Variants in SLC30A9 observed in about 807,000 individuals in gnomAD.
SLC30A9 encodes the protein solute carrier family 30 member 9.
In SLC30A9, 58 loss-of-function variants were observed where a neutral mutation model predicts 87.5. That is an observed-to-expected ratio of 0.66 (90% confidence interval 0.54 to 0.82). The LOEUF is 0.82. SLC30A9 is among the 40% of genes least tolerant of loss of function. SLC30A9 has a pLI of 0.00. For synonymous variants in SLC30A9, 234 were observed against 233.0 expected (o/e 1.00, Z -0.04); for missense variants, 557 against 679.1 (o/e 0.82, Z 2.00).
At chr4:42,047,276 T>A (rs1289254112) in intron 8 of SLC30A9, among the ~76,000 whole-genome samples, 1 of 152,084 alleles carries the variant, frequency 6.6e-6, no homozygotes, top group Non-Finnish European at 1.5e-5. Flanking sequence ...AATAAACTAT[T>A]ATCCGAGTGA....
At chr4:42,021,021 G>A (rs1199086188) in intron 4 of SLC30A9, among the ~76,000 whole-genome samples, 1 of 152,066 alleles carries the variant, frequency 6.6e-6, no homozygotes, top group Non-Finnish European at 1.5e-5. Context: ...TTGAAATTAT[G>A]TTAGTCACAG....
chr4:42,074,122 T>C (rs928262516), intron 15 of SLC30A9, among the ~76,000 whole-genome samples: 3 of 152,174 alleles, frequency 2.0e-5, no homozygotes, highest in Non-Finnish European at 4.4e-5. Flanking sequence ...ATAAATGATA[T>C]AGCCTTTTGC....
rs1314821724 is a variant in SLC30A9, at chr4:42,087,822, C to T, written c.*1696C>T. The T allele has an allele frequency of 1.3e-5, 2 of 151,632 alleles. No individual in the cohort carries two copies. The highest frequency in any genetic ancestry group is 2.4e-5 in the African/African-American group (1 of 41,300). The allele number at this position is 151,632 out of a possible 1,614,324, so 9.4% of individuals were successfully genotyped here. ...CTTCTTCCTTCCCCTTTCCCACTTG[C>T]CATTTATTACTTCATGTCATTGCCA... On this transcript the variant is annotated 3_prime_UTR_variant, in exon 18 of 18. Coordinates refer to ENST00000264451, the MANE Select transcript of SLC30A9 (RefSeq NM_006345.4).
intron 9 of SLC30A9, among the ~76,000 whole-genome samples, chr4:42,056,747 G>A (rs186129428): frequency 1.7e-4 from 26 of 152,286 alleles, no homozygotes; most frequent in African/African-American, 6.3e-4. Flanking sequence ...CTAAGACAAG[G>A]CAAGTCCCTT....
intron 1 of SLC30A9, among the ~76,000 whole-genome samples, chr4:41,998,865 T>C (rs1286314174): frequency 1.3e-5 from 2 of 152,226 alleles, no homozygotes; most frequent in African/African-American, 4.8e-5. Flanking sequence ...GTTTTTATAA[T>C]ATACAATATT....
chr4:42,050,375 G>A (rs1172583860), intron 9 of SLC30A9, among the ~76,000 whole-genome samples: 1 of 152,162 alleles, frequency 6.6e-6, no homozygotes, highest in African/African-American at 2.4e-5. Context: ...GAGGAGAGGG[G>A]ATAGGGAGAG....
intron 14 of SLC30A9, among the ~76,000 whole-genome samples, chr4:42,068,494 C>T (rs1718175936): frequency 6.6e-6 from 1 of 152,220 alleles, no homozygotes; most frequent in African/African-American, 2.4e-5. Flanking sequence ...ATCCTCCCAC[C>T]TTGGCCTCCC....
intron 1 of SLC30A9, among the ~76,000 whole-genome samples, chr4:41,997,924 A>C (rs549688600): frequency 6.6e-6 from 1 of 152,184 alleles, no homozygotes; most frequent in Non-Finnish European, 1.5e-5. Context: ...TGCAAGCTTG[A>C]CTCTGGCTCT....
chr4:41,998,608 C>G (rs925436160), intron 1 of SLC30A9, among the ~76,000 whole-genome samples: 1 of 152,000 alleles, frequency 6.6e-6, no homozygotes, highest in South Asian at 2.1e-4. Context: ...GGATTATAGG[C>G]GCCCACCGCC....
At chr4:42,082,227 A>AT (rs1313233140) in intron 17 of SLC30A9, among the ~76,000 whole-genome samples, 1,026 of 47,546 alleles carry the variant, frequency 0.022, 13 homozygotes, top group Middle Eastern at 0.052. Flanking sequence ...AAAAAAAAAA[A>AT]AAATAAATAA....
At chr4:42,073,087 TG>T (rs2153140783) in intron 15 of SLC30A9, among the ~76,000 whole-genome samples, 1 of 151,772 alleles carries the variant, frequency 6.6e-6, no homozygotes, top group South Asian at 2.1e-4. Flanking sequence ...TTGGCCAGGC[TG>T]GTCTCAAACT....
At chr4:42,029,352 C>T in intron 6 of SLC30A9, 1 of 572,578 alleles carries the variant, frequency 1.7e-6, no homozygotes. Context: ...GCCTGACTGG[C>T]ATCTTCATCG....
At chr4:42,046,502 T>A (rs912502089) in intron 8 of SLC30A9, among the ~76,000 whole-genome samples, 27 of 151,872 alleles carry the variant, frequency 1.8e-4, no homozygotes, top group African/African-American at 6.5e-4. Context: ...GAGAATAAAA[T>A]ACCTAGGAAT....
chr4:42,006,517 T>C (rs1283721373), intron 2 of SLC30A9, among the ~76,000 whole-genome samples: 2 of 152,050 alleles, frequency 1.3e-5, no homozygotes, highest in Non-Finnish European at 2.9e-5. Flanking sequence ...TGAAACTCTG[T>C]CTCTACAAAA....
intron 6 of SLC30A9, among the ~76,000 whole-genome samples, chr4:42,026,485 A>C (rs1716197260): frequency 6.6e-6 from 1 of 152,226 alleles, no homozygotes; most frequent in African/African-American, 2.4e-5. Flanking sequence ...CTTTATTGTT[A>C]TCTGTTAAAC....
chr4:42,063,608 T>A (rs1482002923), intron 11 of SLC30A9, among the ~76,000 whole-genome samples: 1 of 152,198 alleles, frequency 6.6e-6, no homozygotes, highest in Non-Finnish European at 1.5e-5. Context: ...ACCCGTATGA[T>A]CCCCTCTGGG....
chr4:42,023,704 G>A (rs1371175863), intron 6 of SLC30A9, among the ~76,000 whole-genome samples: 1 of 152,154 alleles, frequency 6.6e-6, no homozygotes, highest in Non-Finnish European at 1.5e-5. Flanking sequence ...AGTAATTGCT[G>A]TATTAGTCTG....
chr4:42,052,059 T>A (rs1358376569), intron 9 of SLC30A9, among the ~76,000 whole-genome samples: 2 of 151,514 alleles, frequency 1.3e-5, no homozygotes, highest in African/African-American at 4.8e-5. Flanking sequence ...TAAAGTTGGT[T>A]TAACATTCAA....
At chr4:42,032,810 A>G (rs538804417) in intron 6 of SLC30A9, among the ~76,000 whole-genome samples, 5 of 152,326 alleles carry the variant, frequency 3.3e-5, no homozygotes, top group African/African-American at 9.6e-5. Flanking sequence ...CAGGAATAAT[A>G]TGTTTCAGAT....
Sources: allele counts gnomAD v4.1 joint callset (sites outside exome capture counted in the v4.1 genomes callset), GRCh38; gene constraint gnomAD v4.1.1; transcripts MANE v1.5; gene names NCBI Gene and HGNC (gene_info 2026-07-23, HGNC 2026-07-21).